The following ARHGAP21 variants were observed in gnomAD, a reference collection of about 807,000 sequenced individuals.
ARHGAP21 encodes rho GTPase-activating protein 21.
A neutral mutation model predicts 164.6 loss-of-function variants in ARHGAP21; 38 were observed. The ratio of observed to expected loss-of-function variants is 0.23; its 90% CI spans 0.18 to 0.30. The LOEUF is 0.30. Among genes scored for constraint, ARHGAP21 ranks in the 10% least tolerant of loss-of-function variants. ARHGAP21 has a pLI of 1.00. For synonymous variants in ARHGAP21, 766 were observed against 857.9 expected (o/e 0.89, Z 1.87); for missense variants, 1,822 against 2,370.7 (o/e 0.77, Z 4.81).
intron 2 of ARHGAP21, among the ~76,000 whole-genome samples, chr10:24,710,409 G>A (rs1315342073): frequency 6.6e-6 from 1 of 152,126 alleles, no homozygotes. Context: ...ATCTTCCCAG[G>A]AAGATTTTCC....
chr10:24,598,716 T>C (rs562034635), intron 14 of ARHGAP21, among the ~76,000 whole-genome samples: 11 of 152,280 alleles, frequency 7.2e-5, no homozygotes, highest in African/African-American at 2.2e-4. Context: ...TGATAGTGAA[T>C]GATGATACAG....
At chr10:24,625,487 G>A (rs1040188973) in intron 7 of ARHGAP21, among the ~76,000 whole-genome samples, 11 of 151,854 alleles carry the variant, frequency 7.2e-5, no homozygotes, top group Non-Finnish European at 1.5e-4. Context: ...AGGGGATGGT[G>A]TAGATGGAGA....
chr10:24,657,387 G>A (rs1333838419), intron 4 of ARHGAP21, among the ~76,000 whole-genome samples: 17 of 75,704 alleles, frequency 2.2e-4, no homozygotes, highest in Admixed American at 1.7e-3. Context: ...GAAGTGAGGA[G>A]CCCCTCTGCC....
chr10:24,702,990 CAT>C (rs939350066), intron 2 of ARHGAP21, among the ~76,000 whole-genome samples: 7 of 152,184 alleles, frequency 4.6e-5, no homozygotes, highest in South Asian at 2.1e-4. Flanking sequence ...TACACACACA[CAT>C]AATACATAGT....
At chr10:24,646,227 C>T (rs1038809438) in intron 4 of ARHGAP21, among the ~76,000 whole-genome samples, 1 of 152,008 alleles carries the variant, frequency 6.6e-6, no homozygotes, top group Admixed American at 6.6e-5. Flanking sequence ...TTATGAATCA[C>T]GTACTTTCAA....
At chr10:24,704,817 G>C (rs1844071332) in intron 2 of ARHGAP21, among the ~76,000 whole-genome samples, 1 of 151,950 alleles carries the variant, frequency 6.6e-6, no homozygotes, top group Admixed American at 6.6e-5. Flanking sequence ...TGTTGGCCAG[G>C]CTGCTCTCGA....
chr10:24,662,991 G>T (rs1056711871), intron 4 of ARHGAP21, among the ~76,000 whole-genome samples: 5 of 147,392 alleles, frequency 3.4e-5, no homozygotes, highest in African/African-American at 2.5e-5. Context: ...GTAAAAATAT[G>T]GTATTCATAG....
At chr10:24,698,899 A>C (rs1420012803) in intron 2 of ARHGAP21, among the ~76,000 whole-genome samples, 1 of 152,220 alleles carries the variant, frequency 6.6e-6, no homozygotes, top group African/African-American at 2.4e-5. Context: ...TAGATTGCTT[A>C]TATGACATGT....
intron 25 of ARHGAP21, among the ~76,000 whole-genome samples, chr10:24,588,811 T>C (rs1246829427): frequency 1.3e-5 from 2 of 152,148 alleles, no homozygotes; most frequent in Non-Finnish European, 2.9e-5. Flanking sequence ...TAAAAATGCA[T>C]AACAAAAAAT....
intron 2 of ARHGAP21, among the ~76,000 whole-genome samples, chr10:24,719,214 G>A (rs76921226): frequency 0.011 from 1,692 of 152,030 alleles, 36 homozygotes; most frequent in African/African-American, 0.039. Flanking sequence ...ATATAAATTC[G>A]TGTGAGTACC....
intron 2 of ARHGAP21, among the ~76,000 whole-genome samples, chr10:24,715,162 G>C (rs2132284207): frequency 6.6e-6 from 1 of 152,258 alleles, no homozygotes; most frequent in African/African-American, 2.4e-5. Flanking sequence ...TCACAAGACT[G>C]AATACATATT....
intron 2 of ARHGAP21, among the ~76,000 whole-genome samples, chr10:24,700,467 G>A (rs1466001809): frequency 1.3e-5 from 2 of 152,198 alleles, no homozygotes. Context: ...TCAGCCTAAA[G>A]TCCAATTTCC....
chr10:24,672,416 G>T (rs1256127538), intron 2 of ARHGAP21, among the ~76,000 whole-genome samples: 1 of 152,108 alleles, frequency 6.6e-6, no homozygotes, highest in Non-Finnish European at 1.5e-5. Context: ...GAACCTGGAG[G>T]TACCCAGGGC....
At chr10:24,716,616 T>C (rs575702415) in intron 2 of ARHGAP21, among the ~76,000 whole-genome samples, 4 of 152,218 alleles carry the variant, frequency 2.6e-5, no homozygotes, top group Non-Finnish European at 4.4e-5. Context: ...TGCAAGAACT[T>C]TGGCCTTCAA....
chr10:24,690,827 C>CAA (rs11285145), intron 2 of ARHGAP21, among the ~76,000 whole-genome samples: 25 of 142,412 alleles, frequency 1.8e-4, no homozygotes, highest in African/African-American at 2.8e-4. Flanking sequence ...GACTCCATCT[C>CAA]AAAAAAAAAA....
chr10:24,683,834 C>G (rs1223163506), intron 2 of ARHGAP21, among the ~76,000 whole-genome samples: 1 of 152,244 alleles, frequency 6.6e-6, no homozygotes, highest in East Asian at 1.9e-4. Flanking sequence ...TTCAATTGTA[C>G]TCCTCAGTGT....
At chr10:24,621,395 C>CA (rs768533848) in intron 8 of ARHGAP21, 26 bp from the exon 9 acceptor site, 571 of 1,522,206 alleles carry the variant, frequency 3.8e-4, no homozygotes, top group Non-Finnish European at 4.9e-4. Context: ...AGGAAGGTGT[C>CA]ACTGGAAATT....
At chr10:24,675,354 T>C (rs1279775244) in intron 2 of ARHGAP21, among the ~76,000 whole-genome samples, 1 of 152,192 alleles carries the variant, frequency 6.6e-6, no homozygotes, top group Non-Finnish European at 1.5e-5. Context: ...GCTCCATTTA[T>C]ATAAATCCTA....
At chr10:24,717,667 C>A (rs1186442665) in intron 2 of ARHGAP21, among the ~76,000 whole-genome samples, 1 of 152,100 alleles carries the variant, frequency 6.6e-6, no homozygotes, top group Non-Finnish European at 1.5e-5. Context: ...GAGACAGAAG[C>A]GCGGACCAAA....
Sources: gnomAD v4.1 joint callset for allele counts (sites outside exome capture counted in the v4.1 genomes callset) on GRCh38, gnomAD v4.1.1 for gene constraint, MANE v1.5 for transcripts, NCBI Gene and HGNC (gene_info 2026-07-23, HGNC 2026-07-21) for gene names.